Variants in KMT2C observed in about 807,000 individuals in gnomAD.
The protein encoded by KMT2C is lysine methyltransferase 2C.
In KMT2C, 88 loss-of-function variants were observed where a neutral mutation model predicts 507.9. The ratio of observed to expected loss-of-function variants is 0.17; its 90% CI spans 0.15 to 0.21. The LOEUF (loss-of-function observed/expected upper bound fraction) is 0.21, where lower values mean the gene tolerates loss of function less well. Ranked by LOEUF, KMT2C falls within the 10% of genes least tolerant of loss-of-function variation. The pLI is 1.00. For missense variants in KMT2C, 4,954 were observed against 5,957.8 expected, an observed-to-expected ratio of 0.83 and a Z score of 5.55; for synonymous variants, 2,049 against 2,080.8, an observed-to-expected ratio of 0.98 and a Z score of 0.42.
At chr7:152,150,428 C>T (rs2091510767) in intron 51 of KMT2C, among the ~76,000 whole-genome samples, 1 of 152,036 alleles carries the variant, frequency 6.6e-6, no homozygotes, top group African/African-American at 2.4e-5. Flanking sequence ...ACCAGCCTGG[C>T]CAACATGGTG....
Position 152,176,271 on chromosome 7 carries a change from T to G in KMT2C, c.9182A>C (p.Gln3061Pro). The G allele has an allele frequency of 6.2e-7, 1 of 1,614,178 alleles. No homozygotes were observed. The highest frequency in any genetic ancestry group is 8.5e-7 in the Non-Finnish European group (1 of 1,180,022). The change falls in exon 38 of 59, where the codon CAA becomes CCA. Residue 3061 changes from glutamine to proline, a missense_variant. Transcript: ENST00000262189. ...TTGCTGCTGCTGTTCTTGCCTTTCT[T>G]GATCCAAAAGATCCTGTAGAAGTAG... ...QPLLLQDLLDQERQEQQQQRQ... is the reference protein window; with the variant it reads ...QPLLLQDLLDPERQEQQQQRQ...
intron 6 of KMT2C, among the ~76,000 whole-genome samples, chr7:152,304,325 C>T (rs1432023298): frequency 2.0e-5 from 3 of 152,052 alleles, no homozygotes; most frequent in Non-Finnish European, 4.4e-5. Flanking sequence ...AAAATTTAAG[C>T]AAATAAAATT....
intron 44 of KMT2C, 77 bp from the exon 45 acceptor site, chr7:152,156,423 A>C: frequency 6.5e-7 from 1 of 1,545,980 alleles, no homozygotes; most frequent in East Asian, 2.3e-5. Flanking sequence ...TAGTTCTGTG[A>C]ATTTTTTGCA....
rs200151238 is a variant in KMT2C at position 152,249,320 on chromosome 7, G to GT, written c.1813+555dup. 6.3e-3 allele frequency among the ~76,000 whole-genome samples: 597 copies of GT among 94,624 alleles called. 5 individuals carry two copies. Among genetic ancestry groups the GT allele is most frequent in the African/African-American group, 0.011 (295 of 26,358 alleles). 62.1% of individuals were successfully genotyped at this position (94,624 alleles called of 152,430 possible). A position where few individuals can be genotyped will look rare whatever the true frequency, so the allele number is the denominator to read the frequency against. ...CCAATCAGTGACTAAAATTTATCTG[G>GT]TTTTTTTTTTTTTTTTTTTTTGAAA... is the stretch of plus-strand genomic sequence containing the variant. On this transcript the variant is annotated intron_variant, in intron 13 of 58. Coordinates refer to ENST00000262189, the MANE Select transcript of KMT2C (RefSeq NM_170606.3).
In KMT2C at chr7:152,195,897, T is replaced by G; in HGVS notation, c.4378+10A>C. 7.6e-6 allele frequency: 11 copies of G among 1,451,074 alleles called. No homozygotes were observed. The highest frequency in any genetic ancestry group is 1.4e-5 in the African/African-American group (1 of 71,258). The allele number at this position is 1,451,074 out of a possible 1,614,324, so 89.9% of individuals were successfully genotyped here. A position where few individuals can be genotyped will look rare whatever the true frequency, so the allele number is the denominator to read the frequency against. On this transcript the variant is annotated intron_variant, in intron 28 of 58. Coordinates refer to ENST00000262189, the MANE Select transcript of KMT2C (RefSeq NM_170606.3). ...AAACCAGAAAAAGGGTAAACAGTAT[T>G]CATATATACCTGAATGATCAACTGA...
chr7:152,251,787 A>C (rs1332025082), intron 11 of KMT2C, 152 bp downstream of exon 11: 1 of 475,668 alleles, frequency 2.1e-6, no homozygotes, highest in African/African-American at 2.0e-5. Context: ...GATGACCAAG[A>C]TAACAAATAC....
chr7:152,333,986 GAAT>G (rs1384145869), intron 2 of KMT2C, among the ~76,000 whole-genome samples: 4 of 151,548 alleles, frequency 2.6e-5, no homozygotes, highest in East Asian at 1.9e-4. Context: ...TATTCAAAAG[GAAT>G]AATAAAATGA....
intron 42 of KMT2C, among the ~76,000 whole-genome samples, chr7:152,165,298 T>A: frequency 6.6e-6 from 1 of 152,246 alleles, no homozygotes; most frequent in East Asian, 1.9e-4. Context: ...CTTTGGCAAC[T>A]ATGTAATAGA....
chr7:152,183,646 C>T lies in KMT2C; in HGVS notation c.5083-490G>A, dbSNP rs548828177. 3.0e-4 allele frequency among the ~76,000 whole-genome samples: 46 copies of T among 152,214 alleles called. 2 individuals are homozygous for T. The South Asian group carries it at 9.3e-3, about 31-fold the overall frequency. On this transcript the variant is annotated intron_variant, in intron 34 of 58. Transcript: ENST00000262189. ...GCGCAGTGGCTCACACCTGTAATCCCAGTACTTTGGGAGGCTGAGGCGGGT... is the reference window on the plus strand; with the variant it reads ...GCGCAGTGGCTCACACCTGTAATCCTAGTACTTTGGGAGGCTGAGGCGGGT...
At chr7:152,360,393 G>A (rs180726415) in intron 1 of KMT2C, among the ~76,000 whole-genome samples, 37 of 151,654 alleles carry the variant, frequency 2.4e-4, no homozygotes, top group Admixed American at 8.5e-4. Context: ...CAGGAGAATC[G>A]CTTGAACCCA....
At chr7:152,414,107 G>A (rs1208102968) in intron 1 of KMT2C, among the ~76,000 whole-genome samples, 1 of 151,356 alleles carries the variant, frequency 6.6e-6, no homozygotes, top group African/African-American at 2.4e-5. Context: ...CTACTCAGGA[G>A]ACTGAGGCAG....
intron 1 of KMT2C, among the ~76,000 whole-genome samples, chr7:152,387,469 A>ATT (rs34278604): frequency 0.02 from 2,297 of 115,730 alleles, 64 homozygotes; most frequent in East Asian, 0.067. Context: ...GTATAATTCC[A>ATT]TTTTTTTTTT....
At chr7:152,257,215 T>G (rs1052001941) in intron 9 of KMT2C, among the ~76,000 whole-genome samples, 7 of 152,222 alleles carry the variant, frequency 4.6e-5, no homozygotes, top group Admixed American at 1.3e-4. Flanking sequence ...CTAACTTGCC[T>G]GGAAGTGATT....
At chr7:152,267,575 T>A (rs1287182467) in intron 7 of KMT2C, among the ~76,000 whole-genome samples, 1 of 152,242 alleles carries the variant, frequency 6.6e-6, no homozygotes, top group Non-Finnish European at 1.5e-5. Context: ...TTACTTTTAA[T>A]GGCGAAGACT....
At chr7:152,311,770 GC>G (rs1256922044) in intron 5 of KMT2C, 27 bp downstream of exon 5, 11 of 1,508,174 alleles carry the variant, frequency 7.3e-6, no homozygotes, top group Non-Finnish European at 9.0e-6. Context: ...GAATTAAGAG[GC>G]AGTCATTATT....
intron 36 of KMT2C, 74 bp downstream of exon 36, chr7:152,180,637 A>G: frequency 8.7e-7 from 1 of 1,146,722 alleles, no homozygotes; most frequent in Admixed American, 2.4e-5. Context: ...CCTGTGTAGA[A>G]ATTACTCAGT....
intron 6 of KMT2C, among the ~76,000 whole-genome samples, chr7:152,293,787 A>G (rs1294713229): frequency 6.6e-6 from 1 of 152,180 alleles, no homozygotes; most frequent in African/African-American, 2.4e-5. Context: ...TCTAAAACAA[A>G]TTTTTCAGCT....
chr7:152,293,552 T>C (rs1420400250), intron 6 of KMT2C, among the ~76,000 whole-genome samples: 1 of 152,192 alleles, frequency 6.6e-6, no homozygotes, highest in Non-Finnish European at 1.5e-5. Flanking sequence ...AGATATTTTA[T>C]GCAGATGTAA....
chr7:152,249,760 A>G, intron 13 of KMT2C, 116 bp downstream of exon 13: 1 of 409,828 alleles, frequency 2.4e-6, no homozygotes, highest in South Asian at 7.2e-5. Context: ...GAATCTCTTA[A>G]CTAAAAGATT....
Sources: allele counts gnomAD v4.1 joint callset (sites outside exome capture counted in the v4.1 genomes callset), GRCh38; gene constraint gnomAD v4.1.1; transcripts MANE v1.5; gene names NCBI Gene and HGNC (gene_info 2026-07-23, HGNC 2026-07-21).